The following DNAH14 variants were observed in gnomAD, a reference collection of about 807,000 sequenced individuals.
The protein encoded by DNAH14 is axonemal beta dynein heavy chain 14.
Under a neutral mutation model 520.9 loss-of-function variants are expected in DNAH14, and 478 were observed. That is an observed-to-expected ratio of 0.92 (90% CI 0.85 to 0.99). The LOEUF is 0.99. Ranked by LOEUF, DNAH14 falls within the 50% of genes least tolerant of loss-of-function variation. The probability of loss-of-function intolerance (pLI) is 0.00; values close to 1 mark genes in which losing one functional copy is unlikely to be tolerated. For missense variants in DNAH14, 4,831 were observed against 5,234.5 expected (o/e 0.92, Z 2.38); for synonymous variants, 1,581 against 1,757.2 (o/e 0.90, Z 2.51).
At chr1:225,343,094 G>A (rs1463207469) in intron 69 of DNAH14, among the ~76,000 whole-genome samples, 1 of 152,162 alleles carries the variant, frequency 6.6e-6, no homozygotes, top group African/African-American at 2.4e-5. Flanking sequence ...CCACCGGAAG[G>A]ATGTAGGTCC....
chr1:225,086,944 T>C (rs1445717450), intron 21 of DNAH14, among the ~76,000 whole-genome samples: 1 of 151,412 alleles, frequency 6.6e-6, no homozygotes, highest in Non-Finnish European at 1.5e-5. Context: ...GAAAAGTGAA[T>C]TTAATAAATG....
intron 17 of DNAH14, among the ~76,000 whole-genome samples, chr1:225,062,230 A>T (rs990459523): frequency 2.6e-5 from 4 of 152,102 alleles, no homozygotes; most frequent in Admixed American, 2.6e-4. Context: ...GATCCCAGGA[A>T]GTTGAGGCTG....
intron 44 of DNAH14, among the ~76,000 whole-genome samples, chr1:225,254,776 T>G (rs903315611): frequency 1.3e-5 from 2 of 152,142 alleles, no homozygotes; most frequent in African/African-American, 4.8e-5. Context: ...ACTGTGGACC[T>G]AAGTTTTTCT....
chr1:225,380,444 G>A, intron 80 of DNAH14, 122 bp downstream of exon 80: 2 of 1,122,136 alleles, frequency 1.8e-6, no homozygotes, highest in Non-Finnish European at 2.4e-6. Context: ...GAGATAAGAT[G>A]GAAAACTCAG....
chr1:225,189,437 G>A (rs1190431860), intron 37 of DNAH14, among the ~76,000 whole-genome samples: 4 of 147,678 alleles, frequency 2.7e-5, no homozygotes, highest in African/African-American at 1.0e-4. Flanking sequence ...ACAAGAGTTT[G>A]AGTAGGATTG....
rs1169372024 is a variant in DNAH14, at chr1:225,340,642, A to T, written c.10619A>T (p.Asp3540Val). 6.4e-7 allele frequency: 1 copy of T among 1,551,332 alleles called. No individual in the cohort carries two copies. Among genetic ancestry groups the T allele is most frequent in the African/African-American group, 1.4e-5 (1 of 73,044 alleles). The change falls in exon 69 of 86, where the codon GAT becomes GTT. Residue 3540 changes from aspartate to valine, a missense_variant. Physicochemically the swap from Asp to Val is radical, Grantham distance 152. Coordinates refer to ENST00000682510, the MANE Select transcript of DNAH14 (RefSeq NM_001367479.1). ...AAGTTACTGGAGAGTATTTCCCTTG[A>T]TGCCATAACTCTTGAAGAACTAGAG... ...RSKLLESISL[D>V]AITLEELEEK... is the part of the protein sequence containing the mutation.
intron 54 of DNAH14, among the ~76,000 whole-genome samples, chr1:225,281,857 A>T (rs1032598453): frequency 2.0e-5 from 3 of 152,196 alleles, no homozygotes; most frequent in Non-Finnish European, 4.4e-5. Flanking sequence ...TAATTCTGTT[A>T]TGCAAGGTGA....
intron 41 of DNAH14, among the ~76,000 whole-genome samples, chr1:225,210,545 G>A (rs1180979295): frequency 6.6e-6 from 1 of 150,688 alleles, no homozygotes; most frequent in Non-Finnish European, 1.5e-5. Context: ...CATCTGCCTG[G>A]GACAGAGCAC....
intron 23 of DNAH14, among the ~76,000 whole-genome samples, chr1:225,101,171 A>T (rs2075418553): frequency 6.6e-6 from 1 of 151,768 alleles, no homozygotes; most frequent in Non-Finnish European, 1.5e-5. Context: ...TTTTTAATAT[A>T]AGAAATGACT....
chr1:225,057,539 GC>G (rs2069301627), intron 17 of DNAH14, among the ~76,000 whole-genome samples: 1 of 152,072 alleles, frequency 6.6e-6, no homozygotes, highest in African/African-American at 2.4e-5. Flanking sequence ...TTGCCTGACT[GC>G]CCTGGCCAGA....
chr1:224,982,698 T>C lies in DNAH14; in HGVS notation c.830+8545T>C, dbSNP rs193181892. The stretch of plus-strand genomic sequence containing the variant: ...TAAATTTTCATCTTGATTTCATTTT[T>C]GATCCAGTGCTCATTCAAGACCAGG... On this transcript the variant is annotated intron_variant, in intron 8 of 85. Transcript: ENST00000682510. 7.2e-5 allele frequency among the ~76,000 whole-genome samples: 11 copies of C among 152,358 alleles called. No individual in the cohort carries two copies. In the East Asian group the frequency reaches 1.9e-3, roughly 27 times the overall value.
At chr1:225,296,502 G>A (rs1207764640) in intron 55 of DNAH14, among the ~76,000 whole-genome samples, 3 of 143,462 alleles carry the variant, frequency 2.1e-5, no homozygotes, top group African/African-American at 5.1e-5. Context: ...TATGTTTGTG[G>A]TGGGTGGTTT....
At chr1:225,328,246 C>A (rs533705753) in intron 64 of DNAH14, among the ~76,000 whole-genome samples, 14 of 152,176 alleles carry the variant, frequency 9.2e-5, no homozygotes, top group Non-Finnish European at 1.6e-4. Context: ...ATCAGACCAA[C>A]AGCAGATTTC....
At chr1:225,330,834 G>C (rs968611085) in intron 64 of DNAH14, among the ~76,000 whole-genome samples, 1 of 152,144 alleles carries the variant, frequency 6.6e-6, no homozygotes, top group Non-Finnish European at 1.5e-5. Context: ...AAGGATAAAT[G>C]CTCGAGAGGA....
intron 23 of DNAH14, among the ~76,000 whole-genome samples, chr1:225,106,717 G>A (rs540232604): frequency 6.6e-6 from 1 of 152,220 alleles, no homozygotes; most frequent in African/African-American, 2.4e-5. Context: ...TTGTGCCTTG[G>A]TTTTCAGCTC....
chr1:225,159,633 TGCCCCTTGGG>T, intron 35 of DNAH14, 148 bp downstream of exon 35: 1 of 883,212 alleles, frequency 1.1e-6, no homozygotes, highest in African/African-American at 1.7e-5. Context: ...AGATATATAG[TGCCCCTTGGG>T]GAAAAAAAGA....
chr1:225,366,956 T>TAC (rs148076035), intron 76 of DNAH14, among the ~76,000 whole-genome samples: 1 of 151,840 alleles, frequency 6.6e-6, no homozygotes, highest in Non-Finnish European at 1.5e-5. Flanking sequence ...AATCCCACTA[T>TAC]ACACACACAG....
At chr1:225,241,019 C>T (rs1271769304) in intron 43 of DNAH14, among the ~76,000 whole-genome samples, 197 bp downstream of exon 43, 1 of 151,998 alleles carries the variant, frequency 6.6e-6, no homozygotes, top group Non-Finnish European at 1.5e-5. Context: ...TTAGGTGCTA[C>T]GAAAACCTAT....
chr1:225,016,814 G>A (rs1436030985), intron 10 of DNAH14, among the ~76,000 whole-genome samples: 2 of 150,826 alleles, frequency 1.3e-5, no homozygotes, highest in South Asian at 4.2e-4. Context: ...CTTCTGCTTG[G>A]TCTAGTCTGT....
Sources: gnomAD v4.1 joint callset for allele counts (sites outside exome capture counted in the v4.1 genomes callset) on GRCh38, gnomAD v4.1.1 for gene constraint, MANE v1.5 for transcripts, NCBI Gene and HGNC (gene_info 2026-07-23, HGNC 2026-07-21) for gene names.